The following DZIP1L variants were observed in gnomAD, a reference collection of about 807,000 sequenced individuals.
DZIP1L encodes cilium assembly protein DZIP1L.
DZIP1L carries 90 observed loss-of-function variants against 88.7 expected under a neutral mutation model. That is an observed-to-expected ratio of 1.02 (90% CI 0.86 to 1.21). DZIP1L has a LOEUF of 1.21. DZIP1L is among the 50% of genes most tolerant of loss of function. The pLI, the probability that DZIP1L is intolerant of heterozygous loss-of-function variation, is 0.00. For synonymous variants in DZIP1L, 363 were observed against 372.1 expected, an observed-to-expected ratio of 0.98 and a Z score of 0.28; for missense variants, 932 against 955.8, an observed-to-expected ratio of 0.98 and a Z score of 0.33.
intron 15 of DZIP1L, among the ~76,000 whole-genome samples, chr3:138,064,160 C>T (rs930888389): frequency 2.0e-5 from 3 of 152,132 alleles, no homozygotes; most frequent in African/African-American, 7.2e-5. Context: ...CTAAATATTC[C>T]CATCTTGTGC....
chr3:138,084,288 C>G, intron 7 of DZIP1L, 35 bp from the exon 8 acceptor site: 1 of 1,605,058 alleles, frequency 6.2e-7, no homozygotes. Context: ...AGTCAAATGT[C>G]TGCAGGGACA....
chr3:138,069,025 A>C, intron 12 of DZIP1L: 2 of 1,269,040 alleles, frequency 1.6e-6, no homozygotes, highest in Non-Finnish European at 2.0e-6. Flanking sequence ...ATTCAAGATC[A>C]GAAAATGTTT....
At chr3:138,070,644 G>A (rs1257946038) in intron 12 of DZIP1L, among the ~76,000 whole-genome samples, 1 of 152,218 alleles carries the variant, frequency 6.6e-6, no homozygotes, top group Non-Finnish European at 1.5e-5. Flanking sequence ...ATGATTGGTT[G>A]ATGTAGCAAC....
intron 9 of DZIP1L, 43 bp from the exon 10 acceptor site, chr3:138,080,663 C>T: frequency 6.2e-7 from 1 of 1,603,412 alleles, no homozygotes; most frequent in East Asian, 2.2e-5. Context: ...TGCTCTGGAC[C>T]CCATCCCTGA....
chr3:138,068,449 C>A, intron 12 of DZIP1L, 82 bp from the exon 13 acceptor site: 2 of 1,063,980 alleles, frequency 1.9e-6, no homozygotes, highest in South Asian at 2.0e-5. Context: ...GTGGCTCCAA[C>A]ACCCTGGAAA....
At chr3:138,081,840 C>T (rs1943673161) in intron 8 of DZIP1L, 76 bp from the exon 9 acceptor site, 1 of 1,511,978 alleles carries the variant, frequency 6.6e-7, no homozygotes, top group African/African-American at 1.4e-5. Context: ...CAGTGTCTGC[C>T]TAGCACAGTG....
intron 12 of DZIP1L, 107 bp from the exon 13 acceptor site, chr3:138,068,474 C>T: frequency 1.3e-6 from 1 of 796,024 alleles, no homozygotes; most frequent in Non-Finnish European, 1.8e-6. Flanking sequence ...CAATTACTCC[C>T]TCTCCGTGCT....
chr3:138,105,690 T>A (rs2042462167), intron 1 of DZIP1L, among the ~76,000 whole-genome samples: 1 of 152,052 alleles, frequency 6.6e-6, no homozygotes, highest in Non-Finnish European at 1.5e-5. Context: ...GTTTGTTGAA[T>A]CTGTGGATGC....
At chr3:138,095,419 G>A (rs1307320446) in intron 3 of DZIP1L, among the ~76,000 whole-genome samples, 1 of 137,090 alleles carries the variant, frequency 7.3e-6, no homozygotes, top group Non-Finnish European at 1.6e-5. Flanking sequence ...ACAGTAATCA[G>A]AGAGAATTTT....
At position 138,094,922 on chromosome 3, in the gene DZIP1L, T is replaced by G; in HGVS notation, c.648A>C (p.Leu216=). The G allele has an allele frequency of 6.2e-7, 1 of 1,614,268 alleles. No homozygotes were observed. Among genetic ancestry groups the G allele is most frequent in the Non-Finnish European group, 8.5e-7 (1 of 1,180,042 alleles). The change falls in exon 4 of 16, where the codon CTA becomes CTC. Residue 216 remains leucine, a synonymous_variant. Transcript: ENST00000327532. ...CTTCCAGCTCCCCTTGGGTCCACTT[T>G]AGCTTGGCCCGTAGCTCTTCTAACA... ...EEVLEELRAK[L]KWTQGELEAQ...
intron 2 of DZIP1L, chr3:138,102,829 C>G: frequency 1.4e-6 from 1 of 721,672 alleles, no homozygotes; most frequent in Admixed American, 1.9e-5. Flanking sequence ...GATGCCAGCA[C>G]TGGGCCCACT....
chr3:138,083,488 A>T (rs6439782), intron 8 of DZIP1L, among the ~76,000 whole-genome samples: 28,750 of 152,208 alleles, frequency 0.19, 3,090 homozygotes, highest in African/African-American at 0.27. Context: ...GACTGGGCAG[A>T]GAATTGTCAG....
chr3:138,103,549 C>G lies in DZIP1L; in HGVS notation c.423G>C (p.Glu141Asp). The G allele has an allele frequency of 6.2e-7, 1 of 1,610,108 alleles. No homozygotes were observed. The highest frequency in any genetic ancestry group is 8.5e-7 in the Non-Finnish European group (1 of 1,179,782). The part of the protein sequence containing the change: ...RQADELKGVR[E>D]ESRRRRKMIS... ...TCATCTTGCGACGCCGGCGGCTCTC[C>G]TCCCGCACACCCTTGAGCTCGTCAG... The change falls in exon 2 of 16, where the codon GAG becomes GAC. Residue 141 changes from glutamate (E) to aspartate (D), a missense_variant. By Grantham distance (45) the Glu-to-Asp change is conservative (BLOSUM62 2). Transcript: ENST00000327532.
intron 11 of DZIP1L, among the ~76,000 whole-genome samples, chr3:138,077,105 C>T (rs1943449134): frequency 6.6e-6 from 1 of 151,926 alleles, no homozygotes; most frequent in Non-Finnish European, 1.5e-5. Flanking sequence ...GACACAGCCA[C>T]ATGTACCACA....
intron 11 of DZIP1L, among the ~76,000 whole-genome samples, chr3:138,075,319 A>C (rs917668617): frequency 6.6e-6 from 1 of 152,262 alleles, no homozygotes; most frequent in African/African-American, 2.4e-5. Context: ...ACAGATATTT[A>C]CAGAACATTC....
At chr3:138,071,871 G>C (rs759821755) in intron 11 of DZIP1L, 36 bp from the exon 12 acceptor site, 2 of 1,573,004 alleles carry the variant, frequency 1.3e-6, no homozygotes, top group Non-Finnish European at 1.7e-6. Context: ...ACAGAGAGAG[G>C]CTACCCTTCT....
At chr3:138,101,268 CA>C (rs201297746) in intron 2 of DZIP1L, among the ~76,000 whole-genome samples, 338 of 140,256 alleles carry the variant, frequency 2.4e-3, no homozygotes, top group African/African-American at 4.8e-3. Flanking sequence ...TATTTTGGAC[CA>C]AAAAAAAAAA....
Position 138,103,743 on chromosome 3 carries a change from G to C in DZIP1L, c.229C>G (p.Gln77Glu), listed in dbSNP as rs766082421. The change falls in exon 2 of 16, where the codon CAG becomes GAG. Residue 77 changes from glutamine to glutamate, a missense_variant. By Grantham distance (29) the Gln-to-Glu change is conservative. Coordinates refer to ENST00000327532, the MANE Select transcript of DZIP1L (RefSeq NM_173543.3). ...TTGAGCAGTGCCGGGTCCACAGGCTGCCCACAGCGGCTGCACACCTCCCGG... is the reference window on the plus strand; with the variant it reads ...TTGAGCAGTGCCGGGTCCACAGGCTCCCCACAGCGGCTGCACACCTCCCGG... ...LDREVCSRCG[Q>E]PVDPALLKVL... 1.2e-6 allele frequency: 2 copies of C among 1,613,844 alleles called. No homozygotes were observed. Among genetic ancestry groups the C allele is most frequent in the South Asian group, 1.1e-5 (1 of 91,090 alleles).
chr3:138,067,164 C>T lies in DZIP1L; in HGVS notation c.2002+367G>A, dbSNP rs112366668. On this transcript the variant is annotated intron_variant, in intron 14 of 15. Transcript: ENST00000327532. ...CCTCAGGCATTCCTGGGCCCTGTCA[C>T]CACTACTAGAGCGAGGCTTTGATCT... 9.1e-3 allele frequency among the ~76,000 whole-genome samples: 1,383 copies of T among 152,260 alleles called. 19 individuals are homozygous for T. Among genetic ancestry groups the T allele is most frequent in the African/African-American group, 0.031 (1,307 of 41,556 alleles).
Sources: gnomAD v4.1 joint callset for allele counts (sites outside exome capture counted in the v4.1 genomes callset) on GRCh38, gnomAD v4.1.1 for gene constraint, MANE v1.5 for transcripts, NCBI Gene and HGNC (gene_info 2026-07-23, HGNC 2026-07-21) for gene names.